ABCC1: variants seen among roughly 807,000 people sequenced by gnomAD.
The protein encoded by ABCC1 is multidrug resistance-associated protein 1.
Under a neutral mutation model 172.9 loss-of-function variants are expected in ABCC1, and 83 were observed. The observed-to-expected ratio is 0.48, with a 90% CI of 0.40 to 0.58. The LOEUF (loss-of-function observed/expected upper bound fraction) is 0.58, where lower values mean the gene tolerates loss of function less well. ABCC1 is among the 20% of genes least tolerant of loss of function. The probability of loss-of-function intolerance (pLI) is 0.00; values close to 1 mark genes in which losing one functional copy is unlikely to be tolerated. For synonymous variants in ABCC1, 937 were observed against 825.2 expected, an observed-to-expected ratio of 1.14 and a Z score of -2.32; for missense variants, 1,817 against 2,002.7, an observed-to-expected ratio of 0.91 and a Z score of 1.77.
At chr16:15,997,821 TTTTTTTC>T (rs1460222416) in intron 1 of ABCC1, among the ~76,000 whole-genome samples, 28 of 138,914 alleles carry the variant, frequency 2.0e-4, no homozygotes, top group Admixed American at 6.4e-4. Context: ...TTTTTTTTTT[TTTTTTTC>T]CCTGAGACAG....
intron 12 of ABCC1, among the ~76,000 whole-genome samples, chr16:16,057,730 A>G (rs922771965): frequency 1.3e-5 from 2 of 152,090 alleles, no homozygotes; most frequent in Admixed American, 6.6e-5. Flanking sequence ...TTGGTTAACA[A>G]TATATAGTCT....
rs34292394 is a variant in ABCC1 at position 16,107,890 on chromosome 16, CA to C, written c.2871+1028del. On this transcript the variant is annotated intron_variant, in intron 21 of 30. Transcript: ENST00000399410. ...AAATAAGCATGCAGATAAAGAAAAA[CA>C]AAAAAAAAAACATGAAAGGTGGTAG... is the stretch of plus-strand genomic sequence containing the variant. Among the ~76,000 whole-genome samples the C allele has an allele frequency of 4.9e-4, 69 of 141,364 alleles. 1 individual carries two copies. The highest frequency in any genetic ancestry group is 4.1e-3 in the East Asian group (20 of 4,906). 92.7% of individuals were successfully genotyped at this position (141,364 alleles called of 152,430 possible). A position where few individuals can be genotyped will look rare whatever the true frequency, so the allele number is the denominator to read the frequency against.
chr16:16,087,055 G>A, intron 18 of ABCC1, 64 bp downstream of exon 18: 1 of 1,570,328 alleles, frequency 6.4e-7, no homozygotes, highest in Non-Finnish European at 8.7e-7. Flanking sequence ...GTCAGAACGT[G>A]TCCCCTTTAG....
intron 1 of ABCC1, among the ~76,000 whole-genome samples, chr16:15,977,488 G>A (rs912671518): frequency 1.6e-4 from 24 of 151,630 alleles, no homozygotes; most frequent in Admixed American, 5.9e-4. Flanking sequence ...CTCCTGCCTC[G>A]GTCTCCCAAA....
intron 27 of ABCC1, 42 bp from the exon 28 acceptor site, chr16:16,134,308 A>G: frequency 6.2e-7 from 1 of 1,610,664 alleles, no homozygotes; most frequent in South Asian, 1.1e-5. Flanking sequence ...ACAAGTCCGG[A>G]TGCCAGCATT....
intron 18 of ABCC1, among the ~76,000 whole-genome samples, chr16:16,089,128 C>G (rs1450062362): frequency 6.6e-6 from 1 of 152,196 alleles, no homozygotes; most frequent in Non-Finnish European, 1.5e-5. Flanking sequence ...GAAACATATG[C>G]TGACTTCTAT....
Position 16,138,607 on chromosome 16 carries a change from T to C in ABCC1, c.4487+49T>C, listed in dbSNP as rs1170253381. The C allele has an allele frequency of 2.1e-6, 3 of 1,409,090 alleles. No individual in the cohort carries two copies. The African/African-American group carries it at 4.3e-5, about 20-fold the overall frequency. The allele number at this position is 1,409,090 out of a possible 1,614,324, so 87.3% of individuals were successfully genotyped here. ...TCTAGGCTTTGGGAGTTTGCCTTAC[T>C]CACTGGCTCACTCATTAATTCATTA... On this transcript the variant is annotated intron_variant, in intron 30 of 30. Transcript: ENST00000399410.
chr16:16,007,468 GCCCACTTGGCCTC>G (rs1264577887), intron 1 of ABCC1, among the ~76,000 whole-genome samples: 1 of 152,086 alleles, frequency 6.6e-6, no homozygotes, highest in Non-Finnish European at 1.5e-5. Flanking sequence ...AAAGTGGTCT[GCCCACTTGGCCTC>G]CCAAAGTGCT....
At chr16:16,025,208 G>A (rs1001563348) in intron 5 of ABCC1, among the ~76,000 whole-genome samples, 1 of 152,112 alleles carries the variant, frequency 6.6e-6, no homozygotes, top group Admixed American at 6.5e-5. Flanking sequence ...CTAATAATAA[G>A]GATAACAGCT....
At chr16:15,971,891 G>A (rs1288395682) in intron 1 of ABCC1, among the ~76,000 whole-genome samples, 2 of 152,130 alleles carry the variant, frequency 1.3e-5, no homozygotes, top group Admixed American at 6.6e-5. Flanking sequence ...AAGGAGTGGA[G>A]AGTTTAATAG....
intron 5 of ABCC1, among the ~76,000 whole-genome samples, chr16:16,023,940 T>A (rs2048281777): frequency 6.6e-6 from 1 of 152,158 alleles, no homozygotes; most frequent in African/African-American, 2.4e-5. Flanking sequence ...TTGGCTAGGC[T>A]GGGTGCAGTG....
intron 1 of ABCC1, among the ~76,000 whole-genome samples, chr16:15,967,772 A>C (rs11359714): frequency 1.1e-4 from 15 of 134,454 alleles, no homozygotes; most frequent in African/African-American, 3.8e-4. Flanking sequence ...AAAAAAAAAA[A>C]CAACAAAAAA....
intron 1 of ABCC1, among the ~76,000 whole-genome samples, chr16:15,953,314 CAG>C (rs1479972445): frequency 6.6e-6 from 1 of 151,860 alleles, no homozygotes; most frequent in Non-Finnish European, 1.5e-5. Flanking sequence ...ACCTGGGCGA[CAG>C]AGAGACTGTC....
At chr16:16,106,598 A>G (rs2052122358) in intron 20 of ABCC1, 140 bp from the exon 21 acceptor site, 1 of 924,522 alleles carries the variant, frequency 1.1e-6, no homozygotes. Context: ...ATATTCATAT[A>G]TATGTTTACA....
chr16:16,136,361 C>T (rs1227036827), intron 28 of ABCC1, 117 bp from the exon 29 acceptor site: 2 of 1,126,354 alleles, frequency 1.8e-6, no homozygotes, highest in African/African-American at 3.2e-5. Flanking sequence ...AATAGTGATT[C>T]CAAGGAGCTC....
chr16:16,054,792 A>C (rs2151910824), intron 11 of ABCC1, among the ~76,000 whole-genome samples: 1 of 152,330 alleles, frequency 6.6e-6, no homozygotes, highest in East Asian at 1.9e-4. Flanking sequence ...GTGATTGTTA[A>C]GTGTCTGAAT....
At chr16:16,015,213 C>A (rs1262103202) in intron 4 of ABCC1, among the ~76,000 whole-genome samples, 2 of 150,312 alleles carry the variant, frequency 1.3e-5, no homozygotes, top group Non-Finnish European at 2.9e-5. Flanking sequence ...GATCTAGGCT[C>A]ACTGTAACTT....
chr16:16,121,772 A>G (rs763450530), intron 23 of ABCC1, among the ~76,000 whole-genome samples: 11 of 152,166 alleles, frequency 7.2e-5, no homozygotes, highest in Non-Finnish European at 1.2e-4. Context: ...AGCGTGAGCT[A>G]TTATTGTCAC....
At chr16:16,082,213 G>A (rs1325107604) in intron 16 of ABCC1, among the ~76,000 whole-genome samples, 2 of 152,170 alleles carry the variant, frequency 1.3e-5, no homozygotes, top group South Asian at 2.1e-4. Context: ...CGCATGTGCT[G>A]TTCCCTCGGA....
Sources: gnomAD v4.1 joint callset for allele counts (sites outside exome capture counted in the v4.1 genomes callset) on GRCh38, gnomAD v4.1.1 for gene constraint, MANE v1.5 for transcripts, NCBI Gene and HGNC (gene_info 2026-07-23, HGNC 2026-07-21) for gene names.